COL5A1: variants seen among roughly 807,000 people sequenced by gnomAD.
COL5A1 encodes the protein collagen alpha-1(V) chain.
COL5A1 carries 16 observed loss-of-function variants against 263.7 expected under a neutral mutation model. That is an observed-to-expected ratio of 0.06 (90% CI 0.04 to 0.09). COL5A1 has a LOEUF of 0.09. Ranked by LOEUF, COL5A1 falls within the 10% of genes least tolerant of loss-of-function variation. The pLI, the probability that COL5A1 is intolerant of heterozygous loss-of-function variation, is 1.00. For missense variants in COL5A1, 2,036 were observed against 2,540.5 expected, an observed-to-expected ratio of 0.80 and a Z score of 4.27; for synonymous variants, 1,012 against 1,004.5, an observed-to-expected ratio of 1.01 and a Z score of -0.14.
At chr9:134,708,792 C>G in intron 4 of COL5A1, 1 of 457,760 alleles carries the variant, frequency 2.2e-6, no homozygotes, top group Non-Finnish European at 4.4e-6. Context: ...AGAGATTTAT[C>G]CTCTCCCAGC....
intron 59 of COL5A1, 80 bp from the exon 60 acceptor site, chr9:134,822,918 C>G: frequency 6.5e-7 from 1 of 1,542,580 alleles, no homozygotes; most frequent in Non-Finnish European, 8.9e-7. Flanking sequence ...GGGGCGAGAC[C>G]AGGCTGGGCA....
chr9:134,771,066 G>A (rs959291641), intron 25 of COL5A1, among the ~76,000 whole-genome samples: 1 of 152,220 alleles, frequency 6.6e-6, no homozygotes, highest in Non-Finnish European at 1.5e-5. Flanking sequence ...CCTTGCAAAC[G>A]CTCTGTGCGT....
chr9:134,712,633 TC>T (rs1380476310), intron 4 of COL5A1, among the ~76,000 whole-genome samples: 1 of 46,000 alleles, frequency 2.2e-5, no homozygotes, highest in African/African-American at 9.1e-5. Flanking sequence ...TCCTTCCTGT[TC>T]CCCCTCCTTC....
Position 134,766,985 on chromosome 9 carries a change from T to C in COL5A1, c.2134-15T>C. 6.2e-7 allele frequency: 1 copy of C among 1,613,216 alleles called. No homozygotes were observed. The highest frequency in any genetic ancestry group is 8.5e-7 in the Non-Finnish European group (1 of 1,179,716). On this transcript the variant is annotated splice_polypyrimidine_tract_variant and intron_variant, in intron 22 of 65. Coordinates refer to ENST00000371817, the MANE Select transcript of COL5A1 (RefSeq NM_000093.5). ...CCAGAGCCCCCTTCAGTGCCTTTGC[T>C]CTTGTCTCCTGTAGGGTCCCCAGGG...
At position 134,808,965 on chromosome 9, in the gene COL5A1, T is replaced by C. The variant is rs796454321; in HGVS notation, c.3367-218T>C. 22 of 608,532 alleles carry C rather than the reference T, an allele frequency of 3.6e-5. 1 individual carries two copies. In the African/African-American group the frequency reaches 4.0e-4, roughly 11 times the overall value. The allele number at this position is 608,532 out of a possible 1,614,324, so 37.7% of individuals were successfully genotyped here. A position where few individuals can be genotyped will look rare whatever the true frequency, so the allele number is the denominator to read the frequency against. On this transcript the variant is annotated intron_variant, in intron 42 of 65. Coordinates refer to ENST00000371817, the MANE Select transcript of COL5A1 (RefSeq NM_000093.5). ...AGAGCAGCCTTTCCTAGGATGAGTG[T>C]GGATTAATTGAAGCGATGCACCAGA...
At chr9:134,764,670 T>C (rs921137898) in intron 20 of COL5A1, among the ~76,000 whole-genome samples, 10 of 152,132 alleles carry the variant, frequency 6.6e-5, no homozygotes, top group Non-Finnish European at 1.3e-4. Context: ...GTGGTGCTAA[T>C]TGATGAGAAA....
intron 2 of COL5A1, among the ~76,000 whole-genome samples, chr9:134,695,503 C>T (rs1186231913): frequency 6.6e-6 from 1 of 152,194 alleles, no homozygotes; most frequent in Non-Finnish European, 1.5e-5. Flanking sequence ...GGCAGGCTGA[C>T]GTGAGGGGAA....
chr9:134,674,468 CAT>C (rs1376001136), intron 1 of COL5A1, among the ~76,000 whole-genome samples: 7 of 152,140 alleles, frequency 4.6e-5, no homozygotes, highest in African/African-American at 1.7e-4. Context: ...AGGAGAGAGA[CAT>C]AAGGGAACTC....
intron 51 of COL5A1, 68 bp downstream of exon 51, chr9:134,815,697 TC>T: frequency 2.0e-6 from 3 of 1,536,004 alleles, no homozygotes; most frequent in Non-Finnish European, 2.7e-6. Context: ...CAGCCCCATT[TC>T]CCCTCTTTCT....
intron 1 of COL5A1, among the ~76,000 whole-genome samples, chr9:134,685,442 TGTCCATCATCCATCCATCCATC>T (rs1276281984): frequency 0.072 from 64 of 888 alleles, no homozygotes; most frequent in Admixed American, 0.089. Context: ...ATCCATCCAT[TGTCCATCATCCATCCATCCATC>T]CATTCATCCA....
rs1314201141 is a variant in COL5A1, at chr9:134,686,142, A to T, written c.110-4770A>T. Among the ~76,000 whole-genome samples the T allele has an allele frequency of 6.6e-6, 1 of 152,228 alleles. No individual in the cohort carries two copies. The highest frequency in any genetic ancestry group is 1.5e-5 in the Non-Finnish European group (1 of 68,046). On this transcript the variant is annotated intron_variant, in intron 1 of 65. Coordinates refer to ENST00000371817, the MANE Select transcript of COL5A1 (RefSeq NM_000093.5). This position sits in a 1 kb window ranked among gnomAD's most constrained non-coding sequence, Gnocchi z 4.6. ...TGCAGTCTTGCTTGTATTTCTTATCAGGGTCTTTGTGCTGCCTTTTGTGGT... is the reference window on the plus strand; with the variant it reads ...TGCAGTCTTGCTTGTATTTCTTATCTGGGTCTTTGTGCTGCCTTTTGTGGT...
chr9:134,663,805 TGTCAAAA>T (rs981610393), intron 1 of COL5A1, among the ~76,000 whole-genome samples: 1 of 152,220 alleles, frequency 6.6e-6, no homozygotes, highest in Non-Finnish European at 1.5e-5. Context: ...TCACGACAGC[TGTCAAAA>T]GTCTAATTTA....
chr9:134,752,714 G>A, intron 14 of COL5A1, 69 bp downstream of exon 14: 1 of 1,281,336 alleles, frequency 7.8e-7, no homozygotes, highest in Non-Finnish European at 1.1e-6. Flanking sequence ...GTCGTTGGCG[G>A]ACAGTGGCAG....
chr9:134,822,036 TGCAGCCCC>T (rs1839022818), intron 58 of COL5A1, 53 bp from the exon 59 acceptor site: 5 of 1,467,078 alleles, frequency 3.4e-6, no homozygotes, highest in Non-Finnish European at 1.9e-6. Flanking sequence ...GTAGCAGGGT[TGCAGCCCC>T]GCAGCTCCTC....
At chr9:134,654,467 G>C (rs1184763630) in intron 1 of COL5A1, among the ~76,000 whole-genome samples, 4 of 127,578 alleles carry the variant, frequency 3.1e-5, no homozygotes, top group Non-Finnish European at 6.7e-5. Context: ...TGTAGGGCTG[G>C]AGGTGTGTAG....
rs1423277759 is a variant in COL5A1, at chr9:134,679,419, G to A, written c.110-11493G>A. The stretch of plus-strand genomic sequence containing the variant: ...TGGGGCTTCTTAGGGGGCACTGTGG[G>A]GCTGGTTGGGGGCACTGTGGGGCTG... On this transcript the variant is annotated intron_variant, in intron 1 of 65. Transcript: ENST00000371817. Among the ~76,000 whole-genome samples the A allele has an allele frequency of 5.7e-4, 69 of 122,062 alleles. No homozygotes were observed. In the South Asian group the frequency reaches 0.015, roughly 26 times the overall value. The allele number at this position is 122,062 out of a possible 152,430, so 80.1% of individuals were successfully genotyped here.
intron 11 of COL5A1, among the ~76,000 whole-genome samples, chr9:134,750,136 G>T (rs1261502946): frequency 6.6e-6 from 1 of 152,190 alleles, no homozygotes; most frequent in African/African-American, 2.4e-5. Context: ...GGAGGCACTG[G>T]GCCTTGAGCC....
chr9:134,799,704 G>A (rs1188993776), intron 37 of COL5A1, among the ~76,000 whole-genome samples: 1 of 152,222 alleles, frequency 6.6e-6, no homozygotes, highest in Non-Finnish European at 1.5e-5. Flanking sequence ...CTTCACTGGT[G>A]TTCTGCACGG....
chr9:134,793,402 C>T (rs1413340135), intron 32 of COL5A1, among the ~76,000 whole-genome samples: 1 of 151,802 alleles, frequency 6.6e-6, no homozygotes, highest in African/African-American at 2.4e-5. Flanking sequence ...GCATTCTGTT[C>T]CACAGCTCCA....
Sources: allele counts gnomAD v4.1 joint callset (sites outside exome capture counted in the v4.1 genomes callset), GRCh38; gene constraint gnomAD v4.1.1; non-coding constraint Gnocchi (gnomAD v3.1); transcripts MANE v1.5; gene names NCBI Gene and HGNC (gene_info 2026-07-23, HGNC 2026-07-21).